The following KLRG1 variants were observed in gnomAD, a reference collection of about 807,000 sequenced individuals.
KLRG1 encodes killer cell lectin-like receptor subfamily G member 1.
In KLRG1, 16 loss-of-function variants were observed where a neutral mutation model predicts 21.8. The observed-to-expected ratio is 0.73, with a 90% confidence interval of 0.50 to 1.11. The LOEUF is 1.11. Ranked by LOEUF, KLRG1 falls within the 50% of genes most tolerant of loss-of-function variation. The pLI, the probability that KLRG1 is intolerant of heterozygous loss-of-function variation, is 0.00. For synonymous variants in KLRG1, 69 were observed against 75.9 expected (o/e 0.91, Z 0.47); for missense variants, 173 against 218.3 (o/e 0.79, Z 1.31).
Position 9,010,172 on chromosome 12 carries a change from C to G in KLRG1, c.*635C>G. ...CTGTACTCCAGCCTGGGAGATAGAGCAAGACTCCATCTCTAAAAAAAAAAA... is the reference window on the plus strand; with the variant it reads ...CTGTACTCCAGCCTGGGAGATAGAGGAAGACTCCATCTCTAAAAAAAAAAA... On this transcript the variant is annotated 3_prime_UTR_variant, in exon 5 of 5. Transcript: ENST00000356986. 1 of 492,188 alleles carries G rather than the reference C, an allele frequency of 2.0e-6. No homozygotes were observed. Among genetic ancestry groups the G allele is most frequent in the South Asian group, 3.4e-5 (1 of 29,540 alleles). The allele number at this position is 492,188 out of a possible 1,614,324, so 30.5% of individuals were successfully genotyped here.
At chr12:9,115,483 A>G in the KLRG1 span, 1 of 313,412 alleles carries the variant, frequency 3.2e-6, no homozygotes, top group South Asian at 3.6e-5. Context: ...GGTCTCAAGT[A>G]GATCAATATG....
At chr12:9,107,675 A>C in the KLRG1 span, 1 of 1,610,246 alleles carries the variant, frequency 6.2e-7, no homozygotes, top group African/African-American at 1.3e-5. Flanking sequence ...AAGGAATCAG[A>C]GCAGACACTG....
chr12:9,111,621 A>G, the KLRG1 span: 1 of 432,032 alleles, frequency 2.3e-6, no homozygotes, highest in East Asian at 7.0e-5. Context: ...GAGCTAGAAG[A>G]GAAGAGTTGC....
At chr12:9,209,783 G>A in the KLRG1 span, among the ~76,000 whole-genome samples, 2 of 152,064 alleles carry the variant, frequency 1.3e-5, no homozygotes, top group Non-Finnish European at 2.9e-5. Flanking sequence ...ATAATATATA[G>A]CATAATTTTG....
chr12:9,059,249 T>C, the KLRG1 span, among the ~76,000 whole-genome samples: 3 of 152,246 alleles, frequency 2.0e-5, no homozygotes. Context: ...TTAAAGACTA[T>C]GCCAATGATT....
the KLRG1 span, chr12:9,150,806 C>G: frequency 9.7e-7 from 1 of 1,026,808 alleles, no homozygotes. Flanking sequence ...CTCCCATGAG[C>G]AAAACATATT....
chr12:9,090,464 C>T, the KLRG1 span: 3 of 1,613,852 alleles, frequency 1.9e-6, no homozygotes, highest in African/African-American at 1.3e-5. Flanking sequence ...GCGGGAGAGG[C>T]TTCCAGCTGC....
downstream of KLRG1, among the ~76,000 whole-genome samples, chr12:9,014,383 A>G (rs1330617361): frequency 6.6e-6 from 1 of 152,172 alleles, no homozygotes; most frequent in African/African-American, 2.4e-5. Flanking sequence ...AATAACATAC[A>G]AAGGAGCTCC....
At chr12:9,090,600 T>C in the KLRG1 span, 1 of 1,065,416 alleles carries the variant, frequency 9.4e-7, no homozygotes, top group Non-Finnish European at 1.4e-6. Context: ...TTAAAGATGA[T>C]ATAAATGAAG....
At chr12:8,976,883 A>G (rs1946664865) in intron 1 of KLRG1, among the ~76,000 whole-genome samples, 1 of 151,828 alleles carries the variant, frequency 6.6e-6, no homozygotes, top group Non-Finnish European at 1.5e-5. Context: ...AGTAGCTGGG[A>G]TTGTAGACAT....
the KLRG1 span, among the ~76,000 whole-genome samples, chr12:9,158,752 C>CTTTTTTTTTTTTTTTTTTTTT: frequency 3.9e-4 from 38 of 97,804 alleles, no homozygotes; most frequent in Non-Finnish European, 5.5e-4. Flanking sequence ...TTTTTCTTTT[C>CTTTTTTTTTTTTTTTTTTTTT]TTTTCTTTTT....
At position 8,992,256 on chromosome 12, in the gene KLRG1, C is replaced by T; in HGVS notation, c.133C>T (p.Leu45Phe). 6.2e-7 allele frequency: 1 copy of T among 1,613,936 alleles called. No individual in the cohort carries two copies. Among genetic ancestry groups the T allele is most frequent in the Non-Finnish European group, 8.5e-7 (1 of 1,179,902 alleles). ...TTGCCTTGTGGCAATAGCTTTGGGG[C>T]TTCTGACTGCAGTTCTTCTGAGTGT... The part of the protein sequence containing the change: ...CSCLVAIALG[L>F]LTAVLLSVLL... The change falls in exon 2 of 5, where the codon CTT becomes TTT. Residue 45 changes from leucine to phenylalanine, a missense_variant. By Grantham distance (22) the Leu-to-Phe change is conservative. Coordinates refer to ENST00000356986, the MANE Select transcript of KLRG1 (RefSeq NM_005810.4).
At chr12:9,074,763 GC>G in the KLRG1 span, 1 of 1,612,698 alleles carries the variant, frequency 6.2e-7, no homozygotes, top group South Asian at 1.1e-5. Flanking sequence ...TTCTGAGGGC[GC>G]TCCCAATGGA....
chr12:8,958,736 G>C (rs907607765), intron 1 of KLRG1, among the ~76,000 whole-genome samples: 2 of 151,984 alleles, frequency 1.3e-5, no homozygotes. Context: ...TTGTGCCTAT[G>C]GTCCCAGCTA....
the KLRG1 span, among the ~76,000 whole-genome samples, chr12:9,045,701 A>C: frequency 2.0e-5 from 3 of 152,236 alleles, no homozygotes; most frequent in Non-Finnish European, 4.4e-5. Flanking sequence ...AAATGCTAGG[A>C]ATAAAAGTAC....
intron 3 of KLRG1, among the ~76,000 whole-genome samples, chr12:8,997,317 T>A (rs949315519): frequency 6.6e-6 from 1 of 152,216 alleles, no homozygotes; most frequent in African/African-American, 2.4e-5. Context: ...CTGGTTTAAT[T>A]CTTTTTCTTG....
chr12:9,066,876 C>T, the KLRG1 span: 1 of 152,214 alleles, frequency 6.6e-6, no homozygotes, highest in Non-Finnish European at 1.5e-5. Flanking sequence ...CTACGATTGT[C>T]CTCAGACTCT....
intron 2 of KLRG1, among the ~76,000 whole-genome samples, chr12:8,992,540 G>A (rs1947004439): frequency 6.6e-6 from 1 of 151,728 alleles, no homozygotes; most frequent in Non-Finnish European, 1.5e-5. Flanking sequence ...CAGGCTGTAG[G>A]TGATAGATTT....
At position 8,979,566 on chromosome 12, in the gene KLRG1, G is replaced by C. The variant is rs114895747; in HGVS notation, c.-155-12640G>C. On this transcript the variant is annotated intron_variant, in intron 1 of 4. Coordinates refer to the KLRG1 transcript ENST00000539240. ...GACTTCTTTATGTTTAACCTACTTG[G>C]AATCTTTTAGGATTCCTGAATCTGG... Among the ~76,000 whole-genome samples, 766 of 152,008 alleles carry C rather than the reference G, an allele frequency of 5.0e-3. 13 individuals carry two copies. The highest frequency in any genetic ancestry group is 0.017 in the African/African-American group (698 of 41,468).
Sources: allele counts gnomAD v4.1 joint callset (sites outside exome capture counted in the v4.1 genomes callset), GRCh38; gene constraint gnomAD v4.1.1; transcripts MANE v1.5; gene names NCBI Gene and HGNC (gene_info 2026-07-23, HGNC 2026-07-21).